SMAD5: variants seen among roughly 807,000 people sequenced by gnomAD.
SMAD5 encodes the protein SMAD family member 5, also known as MAD, mothers against decapentaplegic homolog 5.
A neutral mutation model predicts 43.1 loss-of-function variants in SMAD5; 9 were observed. The ratio of observed to expected loss-of-function variants is 0.21; its 90% confidence interval spans 0.13 to 0.36. The LOEUF (loss-of-function observed/expected upper bound fraction) is 0.36, where lower values mean the gene tolerates loss of function less well. SMAD5 is among the 10% of genes least tolerant of loss of function. SMAD5 has a pLI of 1.00. For missense variants in SMAD5, 348 were observed against 574.0 expected (o/e 0.61, Z 4.02); for synonymous variants, 190 against 192.4 (o/e 0.99, Z 0.10).
intron 1 of SMAD5, among the ~76,000 whole-genome samples, chr5:136,138,931 G>A (rs557958197): frequency 6.6e-6 from 1 of 152,258 alleles, no homozygotes; most frequent in East Asian, 1.9e-4. Context: ...AATACAATGG[G>A]TTGTGACCCA....
At chr5:136,145,124 T>TA (rs988415399) in intron 1 of SMAD5, among the ~76,000 whole-genome samples, 2 of 151,370 alleles carry the variant, frequency 1.3e-5, no homozygotes, top group African/African-American at 4.9e-5. Flanking sequence ...TAATTTTTTT[T>TA]TTCACCTCAT....
At chr5:136,163,658 CTG>C (rs1753902676) in intron 5 of SMAD5, among the ~76,000 whole-genome samples, 1 of 152,158 alleles carries the variant, frequency 6.6e-6, no homozygotes, top group Admixed American at 6.5e-5. Context: ...ACCCTCTAAT[CTG>C]TTTTCTGTAC....
chr5:136,142,991 C>G (rs950807700), intron 1 of SMAD5, among the ~76,000 whole-genome samples: 8 of 152,036 alleles, frequency 5.3e-5, no homozygotes, highest in Non-Finnish European at 1.2e-4. Context: ...TTGAATAAAT[C>G]AAATGTCTCC....
At chr5:136,167,411 T>G (rs1386652904) in intron 5 of SMAD5, among the ~76,000 whole-genome samples, 2 of 152,170 alleles carry the variant, frequency 1.3e-5, no homozygotes, top group Non-Finnish European at 2.9e-5. Flanking sequence ...TTTATTTTCC[T>G]CTCTTTCTTC....
At chr5:136,175,594 T>C (rs1754386984) in intron 7 of SMAD5, among the ~76,000 whole-genome samples, 1 of 152,338 alleles carries the variant, frequency 6.6e-6, no homozygotes, top group South Asian at 2.1e-4. Flanking sequence ...AGTCATGTAT[T>C]TAAGCAATCT....
intron 1 of SMAD5, among the ~76,000 whole-genome samples, chr5:136,139,412 A>G (rs1479557163): frequency 2.0e-5 from 3 of 152,066 alleles, no homozygotes; most frequent in Non-Finnish European, 4.4e-5. Flanking sequence ...TCTTATCTGC[A>G]TTTGCCAAAT....
chr5:136,143,780 T>A (rs895143082), intron 1 of SMAD5, among the ~76,000 whole-genome samples: 1 of 152,036 alleles, frequency 6.6e-6, no homozygotes, highest in African/African-American at 2.4e-5. Flanking sequence ...GCAGTGTGTT[T>A]GAGTTTGCAG....
At chr5:136,164,314 CTA>C (rs780673175) in intron 5 of SMAD5, among the ~76,000 whole-genome samples, 1 of 152,152 alleles carries the variant, frequency 6.6e-6, no homozygotes, top group Non-Finnish European at 1.5e-5. Flanking sequence ...CTTAAGAAAA[CTA>C]TAAAACTTCT....
intron 1 of SMAD5, among the ~76,000 whole-genome samples, chr5:136,146,076 T>C (rs995575559): frequency 6.6e-6 from 1 of 151,912 alleles, no homozygotes; most frequent in Non-Finnish European, 1.5e-5. Context: ...TTAGAGTTAG[T>C]CTGGATCTGA....
At chr5:136,174,239 A>C in intron 6 of SMAD5, 137 bp from the exon 7 acceptor site, 1 of 684,982 alleles carries the variant, frequency 1.5e-6, no homozygotes. Context: ...GCAGAAGGCC[A>C]TCTAGTGGTA....
At chr5:136,158,994 ACAG>A (rs1353192227) in intron 3 of SMAD5, among the ~76,000 whole-genome samples, 2 of 152,236 alleles carry the variant, frequency 1.3e-5, no homozygotes, top group African/African-American at 4.8e-5. Context: ...TAGGCGTTTA[ACAG>A]ATCTGTTGGA....
At chr5:136,169,022 T>C (rs539962015) in intron 5 of SMAD5, among the ~76,000 whole-genome samples, 3 of 152,286 alleles carry the variant, frequency 2.0e-5, no homozygotes, top group African/African-American at 7.2e-5. Flanking sequence ...AGTCCCACGA[T>C]AGGCCATCTG....
chr5:136,156,998 A>T (rs1753660211), intron 3 of SMAD5, among the ~76,000 whole-genome samples: 1 of 152,182 alleles, frequency 6.6e-6, no homozygotes. Context: ...GGATCACTTC[A>T]TATTACCAGT....
At chr5:136,165,627 C>G (rs985306901) in intron 5 of SMAD5, among the ~76,000 whole-genome samples, 3 of 144,736 alleles carry the variant, frequency 2.1e-5, no homozygotes, top group African/African-American at 7.7e-5. Context: ...ATGATTTTGA[C>G]CACTCTAAGT....
intron 1 of SMAD5, among the ~76,000 whole-genome samples, chr5:136,139,194 C>T (rs551555558): frequency 1.3e-5 from 2 of 149,624 alleles, no homozygotes; most frequent in African/African-American, 4.9e-5. Flanking sequence ...ATGTGTGTCT[C>T]GGGGTGGGTA....
At chr5:136,136,790 G>T (rs1752894423) in intron 1 of SMAD5, among the ~76,000 whole-genome samples, 1 of 152,030 alleles carries the variant, frequency 6.6e-6, no homozygotes, top group Non-Finnish European at 1.5e-5. Context: ...CTGCCTCCCG[G>T]CTTCAAGCGA....
chr5:136,153,208 C>G (rs1305314404), intron 2 of SMAD5, among the ~76,000 whole-genome samples: 1 of 152,118 alleles, frequency 6.6e-6, no homozygotes, highest in Non-Finnish European at 1.5e-5. Flanking sequence ...GATCAGGACA[C>G]AATCACGTTC....
Position 136,182,652 on chromosome 5 carries a change from G to C in SMAD5, c.*5172G>C, listed in dbSNP as rs1754673651. On this transcript the variant is annotated 3_prime_UTR_variant, in exon 8 of 8. Coordinates refer to ENST00000545279, the MANE Select transcript of SMAD5 (RefSeq NM_005903.7). ...AATGTATTAGGTTTTACTATATTGT[G>C]CTTTTGAAAGCCATAACTCTTAAGA... The C allele has an allele frequency of 6.6e-6, 1 of 152,594 alleles. No individual in the cohort carries two copies. The highest frequency in any genetic ancestry group is 2.4e-5 in the African/African-American group (1 of 41,440). The allele number at this position is 152,594 out of a possible 1,614,324, so 9.5% of individuals were successfully genotyped here.
intron 7 of SMAD5, among the ~76,000 whole-genome samples, chr5:136,176,322 G>A (rs776011601): frequency 2.1e-4 from 32 of 151,696 alleles, no homozygotes; most frequent in Non-Finnish European, 2.9e-4. Flanking sequence ...GGGCATGGTG[G>A]TGGGTGCCTG....
Sources: allele counts gnomAD v4.1 joint callset (sites outside exome capture counted in the v4.1 genomes callset), GRCh38; gene constraint gnomAD v4.1.1; transcripts MANE v1.5; gene names NCBI Gene and HGNC (gene_info 2026-07-23, HGNC 2026-07-21).